Variants in MAPKAP1 observed in about 807,000 individuals in gnomAD.
The protein encoded by MAPKAP1 is MAPK associated protein 1.
MAPKAP1 carries 20 observed loss-of-function variants against 65.7 expected under a neutral mutation model. That is an observed-to-expected ratio of 0.30 (90% CI 0.21 to 0.44). The LOEUF (loss-of-function observed/expected upper bound fraction) is 0.44, where lower values mean the gene tolerates loss of function less well. Among genes scored for constraint, MAPKAP1 ranks in the 20% least tolerant of loss-of-function variants. The pLI, the probability that MAPKAP1 is intolerant of heterozygous loss-of-function variation, is 1.00. For synonymous variants in MAPKAP1, 222 were observed against 244.3 expected, an observed-to-expected ratio of 0.91 and a Z score of 0.85; for missense variants, 423 against 648.0, an observed-to-expected ratio of 0.65 and a Z score of 3.77.
chr9:125,489,586 G>C (rs1488322134), intron 8 of MAPKAP1, among the ~76,000 whole-genome samples: 1 of 152,128 alleles, frequency 6.6e-6, no homozygotes, highest in African/African-American at 2.4e-5. Flanking sequence ...GGAAGGTATG[G>C]AGGACAAGCA....
chr9:125,689,249 A>G (rs1349830531), intron 1 of MAPKAP1, among the ~76,000 whole-genome samples: 1 of 151,172 alleles, frequency 6.6e-6, no homozygotes, highest in Non-Finnish European at 1.5e-5. Flanking sequence ...CATCCTGGCT[A>G]ACACGGTGAA....
chr9:125,701,207 T>C (rs1444589750), intron 1 of MAPKAP1, among the ~76,000 whole-genome samples: 1 of 152,224 alleles, frequency 6.6e-6, no homozygotes, highest in Admixed American at 6.5e-5. Context: ...TGGTACTTAT[T>C]TGTAACACAG....
At chr9:125,625,243 AAAAT>A (rs1564589475) in intron 4 of MAPKAP1, among the ~76,000 whole-genome samples, 7 of 101,112 alleles carry the variant, frequency 6.9e-5, no homozygotes, top group African/African-American at 2.6e-4. Context: ...CAATAAAAAA[AAAAT>A]AAATAAATAA....
At chr9:125,580,240 T>A (rs1831575940) in intron 5 of MAPKAP1, among the ~76,000 whole-genome samples, 1 of 152,228 alleles carries the variant, frequency 6.6e-6, no homozygotes, top group South Asian at 2.1e-4. Flanking sequence ...TGCACACATG[T>A]GTTTACTGTG....
intron 4 of MAPKAP1, among the ~76,000 whole-genome samples, chr9:125,605,353 C>T (rs971723717): frequency 6.6e-6 from 1 of 152,168 alleles, no homozygotes; most frequent in African/African-American, 2.4e-5. Flanking sequence ...CCTGAAGGAA[C>T]CTTAGGTGGA....
intron 7 of MAPKAP1, among the ~76,000 whole-genome samples, chr9:125,529,168 C>CT (rs1057471661): frequency 1.7e-5 from 2 of 120,750 alleles, no homozygotes; most frequent in African/African-American, 6.7e-5. Context: ...GAGTGAAACT[C>CT]TATCTCAGGA....
chr9:125,551,619 A>G (rs1830586886), intron 6 of MAPKAP1, among the ~76,000 whole-genome samples: 1 of 151,980 alleles, frequency 6.6e-6, no homozygotes, highest in Non-Finnish European at 1.5e-5. Flanking sequence ...TTCTAACCTA[A>G]GGAGATTCTG....
intron 4 of MAPKAP1, among the ~76,000 whole-genome samples, chr9:125,631,285 T>G (rs952492132): frequency 3.3e-5 from 5 of 152,186 alleles, no homozygotes; most frequent in Non-Finnish European, 5.9e-5. Context: ...ACCTTTTTGT[T>G]TTATAAACTA....
At chr9:125,588,279 T>C (rs990895468) in intron 4 of MAPKAP1, among the ~76,000 whole-genome samples, 6 of 152,144 alleles carry the variant, frequency 3.9e-5, no homozygotes, top group African/African-American at 9.7e-5. Flanking sequence ...GAAAACATCA[T>C]GCTAAGAGAA....
chr9:125,615,926 A>G (rs907046132), intron 4 of MAPKAP1, among the ~76,000 whole-genome samples: 36 of 151,696 alleles, frequency 2.4e-4, no homozygotes, highest in Non-Finnish European at 5.0e-4. Context: ...AAAAAAAAAA[A>G]AAAGAAAAGA....
chr9:125,567,444 T>A (rs1042234541), intron 5 of MAPKAP1: 2 of 152,178 alleles, frequency 1.3e-5, no homozygotes, highest in African/African-American at 4.8e-5. Flanking sequence ...ACCAGCGCCA[T>A]GACAGTTTAC....
At chr9:125,659,967 C>G (rs143025313) in intron 3 of MAPKAP1, among the ~76,000 whole-genome samples, 230 of 152,286 alleles carry the variant, frequency 1.5e-3, no homozygotes, top group Middle Eastern at 6.8e-3. Flanking sequence ...TACAAGATGT[C>G]TTGGCAGCAT....
intron 10 of MAPKAP1, among the ~76,000 whole-genome samples, chr9:125,455,254 A>G (rs1026902989): frequency 2.2e-4 from 34 of 152,196 alleles, no homozygotes; most frequent in African/African-American, 7.7e-4. Context: ...ATAACCCTAA[A>G]AAGTCGTCCA....
intron 2 of MAPKAP1, among the ~76,000 whole-genome samples, chr9:125,671,277 T>C (rs1834490209): frequency 6.6e-6 from 1 of 152,228 alleles, no homozygotes; most frequent in South Asian, 2.1e-4. Context: ...TTAATTATTT[T>C]CATCATGAGA....
At chr9:125,459,213 G>T (rs1199843871) in intron 10 of MAPKAP1, among the ~76,000 whole-genome samples, 6 of 149,560 alleles carry the variant, frequency 4.0e-5, no homozygotes, top group Non-Finnish European at 7.4e-5. Flanking sequence ...CATCTCAGAC[G>T]ATGGGCGGCG....
chr9:125,559,652 C>G lies in MAPKAP1; in HGVS notation c.829G>C (p.Glu277Gln). Residue 277 changes from glutamate (E) to glutamine (Q), a missense_variant, in exon 6 of 12, where the codon GAG (glutamate) becomes CAG (glutamine). By Grantham distance (29) the Glu-to-Gln change is conservative. Around this residue, in one of 6 missense-constraint regions of MAPKAP1, gnomAD observed 98 missense variants for 200.5 expected, o/e 0.49. Transcript: ENST00000265960. ...KYSSPGLTSK[E>Q]SLFVRINAAH... ...ACTCACATTCGAACAAAGAGTGACT[C>G]TTTGGATGTCAGACCAGGAGATGAG... The G allele has an allele frequency of 6.2e-7, 1 of 1,613,648 alleles. No homozygotes were observed. Among genetic ancestry groups the G allele is most frequent in the Non-Finnish European group, 8.5e-7 (1 of 1,179,754 alleles).
intron 5 of MAPKAP1, among the ~76,000 whole-genome samples, chr9:125,564,436 T>C (rs1830987297): frequency 6.6e-6 from 1 of 152,218 alleles, no homozygotes; most frequent in South Asian, 2.1e-4. Flanking sequence ...TATTTTCCTT[T>C]CTTTATAAAA....
chr9:125,452,608 A>G (rs1486667064), intron 10 of MAPKAP1, among the ~76,000 whole-genome samples: 1 of 152,108 alleles, frequency 6.6e-6, no homozygotes, highest in African/African-American at 2.4e-5. Flanking sequence ...GATTATACCT[A>G]TCAACATTTA....
Position 125,459,058 on chromosome 9 carries a change from C to G in MAPKAP1, c.1345+8914G>C, listed in dbSNP as rs1263361428. On this transcript the variant is annotated intron_variant, in intron 10 of 11. Coordinates refer to ENST00000265960, the MANE Select transcript of MAPKAP1 (RefSeq NM_001006617.3). ...GCGGAGGGGCTCCTCACTTCTCAGA[C>G]GGGGCGGTTGCCAGGCAGAGGGTCT... 2.2e-3 allele frequency among the ~76,000 whole-genome samples: 261 copies of G among 120,540 alleles called. 2 individuals are homozygous for G. The highest frequency in any genetic ancestry group is 9.5e-3 in the African/African-American group (253 of 26,598). The allele number at this position is 120,540 out of a possible 152,430, so 79.1% of individuals were successfully genotyped here.
Sources: gnomAD v4.1 joint callset for allele counts (sites outside exome capture counted in the v4.1 genomes callset) on GRCh38, gnomAD v4.1.1 for gene constraint, gnomAD v4.1.1 regional missense constraint, MANE v1.5 for transcripts, NCBI Gene and HGNC (gene_info 2026-07-23, HGNC 2026-07-21) for gene names.